ARHGAP35: variants seen among roughly 807,000 people sequenced by gnomAD.
ARHGAP35 encodes the protein Rho GTPase activating protein 35, also known as rho GTPase-activating protein 35.
ARHGAP35 carries 15 observed loss-of-function variants against 111.1 expected under a neutral mutation model. The observed-to-expected ratio is 0.13, with a 90% CI of 0.09 to 0.21. ARHGAP35 has a LOEUF of 0.21. Among genes scored for constraint, ARHGAP35 ranks in the 10% least tolerant of loss-of-function variants. The pLI is 1.00. For missense variants in ARHGAP35, 1,262 were observed against 1,873.0 expected (o/e 0.67, Z 6.02); for synonymous variants, 643 against 710.3 (o/e 0.91, Z 1.51).
intron 5 of ARHGAP35, among the ~76,000 whole-genome samples, chr19:46,991,901 C>G (rs908920775): frequency 1.3e-5 from 2 of 152,232 alleles, no homozygotes; most frequent in Non-Finnish European, 2.9e-5. Context: ...GCAATTGTGT[C>G]TCTATATGTT....
At position 46,937,288 on chromosome 19, in the gene ARHGAP35, T is replaced by A; in HGVS notation, c.3706T>A (p.Ser1236Thr). The change falls in exon 3 of 7, where the codon TCC becomes ACC. Residue 1236 changes from serine to threonine, a missense_variant. This residue lies in a region of ARHGAP35 where 579 missense variants were observed against 716.9 expected (regional missense o/e 0.81). Transcript: ENST00000672722. ...TKKPKPKPRP[S>T]ITKATWESNY... ...GAAACCAAAGCCCAAACCCCGGCCA[T>A]CCATCACAAAGGCAACCTGGGAGAG... 3.7e-6 allele frequency: 6 copies of A among 1,613,880 alleles called. No individual in the cohort carries two copies. The highest frequency in any genetic ancestry group is 4.2e-6 in the Non-Finnish European group (5 of 1,179,798).
chr19:46,874,363 T>C (rs1480136469), intron 1 of ARHGAP35, among the ~76,000 whole-genome samples: 3 of 152,184 alleles, frequency 2.0e-5, no homozygotes, highest in Admixed American at 6.5e-5. Context: ...TGATTGTTTT[T>C]ACTTGATCTT....
intron 3 of ARHGAP35, among the ~76,000 whole-genome samples, chr19:46,949,401 G>GTT (rs1482211842): frequency 6.6e-6 from 1 of 152,164 alleles, no homozygotes; most frequent in Non-Finnish European, 1.5e-5. Flanking sequence ...TACCAAAGTA[G>GTT]TTACACTCAG....
intron 1 of ARHGAP35, among the ~76,000 whole-genome samples, chr19:46,869,136 A>G (rs1206468929): frequency 6.6e-6 from 1 of 151,858 alleles, no homozygotes; most frequent in East Asian, 1.9e-4. Flanking sequence ...TGAACTCCTG[A>G]CCTCATGTGA....
Position 46,993,111 on chromosome 19 carries a change from AC to A in ARHGAP35, c.4036+3437del, listed in dbSNP as rs1441830485. Among the ~76,000 whole-genome samples, 1 of 152,204 alleles carries A rather than the reference AC, an allele frequency of 6.6e-6. No individual in the cohort carries two copies. The highest frequency in any genetic ancestry group is 2.4e-5 in the African/African-American group (1 of 41,454). On this transcript the variant is annotated intron_variant, in intron 5 of 6. Coordinates refer to ENST00000672722, the MANE Select transcript of ARHGAP35 (RefSeq NM_004491.5). The surrounding 1 kb of genome is among the most constrained non-coding windows in gnomAD (Gnocchi z 4.6). Reference sequence around the variant, plus strand: ...GTGGTCCCAGGCTCAGTCTGGTGGGACAGGACATTCAACAGGTGATTGCAAA... The same window carrying A: ...GTGGTCCCAGGCTCAGTCTGGTGGGAAGGACATTCAACAGGTGATTGCAAA...
chr19:46,895,966 G>A (rs1240445242), intron 1 of ARHGAP35, among the ~76,000 whole-genome samples: 2 of 152,150 alleles, frequency 1.3e-5, no homozygotes, highest in Non-Finnish European at 2.9e-5. Context: ...GCTGGGCTTA[G>A]TGGCACATGC....
At position 46,989,441 on chromosome 19, in the gene ARHGAP35, CTG is replaced by C; in HGVS notation, c.3905-102_3905-101del. The C allele has an allele frequency of 6.8e-7, 1 of 1,477,984 alleles. No homozygotes were observed. Among genetic ancestry groups the C allele is most frequent in the East Asian group, 2.4e-5 (1 of 42,362 alleles). The allele number at this position is 1,477,984 out of a possible 1,614,324, so 91.6% of individuals were successfully genotyped here. A position where few individuals can be genotyped will look rare whatever the true frequency, so the allele number is the denominator to read the frequency against. On this transcript the variant is annotated intron_variant, in intron 4 of 6. Coordinates refer to ENST00000672722, the MANE Select transcript of ARHGAP35 (RefSeq NM_004491.5). This position sits in a 1 kb window ranked among gnomAD's most constrained non-coding sequence, Gnocchi z 5.3. Reference sequence around the variant, plus strand: ...ATCCTTGCCAGTCCTGAGGCCGTCTCTGGCTCCTTGAGGTTTCTCTAGCCTCT... The same window carrying C: ...ATCCTTGCCAGTCCTGAGGCCGTCTCGCTCCTTGAGGTTTCTCTAGCCTCT...
chr19:46,998,937 C>T (rs996621269), intron 5 of ARHGAP35: 5 of 211,780 alleles, frequency 2.4e-5, no homozygotes, highest in Non-Finnish European at 4.7e-5. Flanking sequence ...TCCATCTGGT[C>T]AGGAAGCAAG....
intron 1 of ARHGAP35, among the ~76,000 whole-genome samples, chr19:46,872,692 A>T (rs1349967706): frequency 1.3e-5 from 2 of 152,022 alleles, no homozygotes; most frequent in Admixed American, 6.6e-5. Context: ...CGTCCTGGCT[A>T]ACACGGTGAA....
At chr19:46,995,521 C>T (rs1386902733) in intron 5 of ARHGAP35, among the ~76,000 whole-genome samples, 4 of 152,210 alleles carry the variant, frequency 2.6e-5, no homozygotes, top group African/African-American at 9.7e-5. Context: ...GAGGCGGGGA[C>T]CCAGAGCAGA....
intron 1 of ARHGAP35, among the ~76,000 whole-genome samples, chr19:46,867,379 C>T (rs1401279348): frequency 6.6e-6 from 1 of 152,216 alleles, no homozygotes; most frequent in East Asian, 1.9e-4. Context: ...GTCCTGGCCA[C>T]TGTAGTAAAC....
At chr19:46,965,875 A>G (rs895498138) in intron 3 of ARHGAP35, among the ~76,000 whole-genome samples, 6 of 152,210 alleles carry the variant, frequency 3.9e-5, no homozygotes, top group African/African-American at 1.2e-4. Flanking sequence ...AGTTTTTACA[A>G]TCCTAAAAGA....
chr19:46,942,815 CAGAAAAAAAAAAAA>C (rs2056356649), intron 3 of ARHGAP35, among the ~76,000 whole-genome samples: 1 of 42,290 alleles, frequency 2.4e-5, no homozygotes, highest in Non-Finnish European at 4.5e-5. Context: ...GACCCTGTCT[CAGAAAAAAAAAAAA>C]AAAAAAAAGG....
At chr19:46,932,558 G>T (rs2122218178) in intron 2 of ARHGAP35, among the ~76,000 whole-genome samples, 1 of 152,274 alleles carries the variant, frequency 6.6e-6, no homozygotes, top group East Asian at 1.9e-4. Context: ...AATATGCCCA[G>T]TAACCCTTCA....
At position 46,899,108 on chromosome 19, in the gene ARHGAP35, G is replaced by A. The variant is rs142274198; in HGVS notation, c.-188-19380G>A. 4.3e-3 allele frequency among the ~76,000 whole-genome samples: 654 copies of A among 152,266 alleles called. 2 individuals are homozygous for A. Among genetic ancestry groups the A allele is most frequent in the Non-Finnish European group, 6.9e-3 (467 of 68,012 alleles). The stretch of plus-strand genomic sequence containing the variant: ...TACGGAGGAGAATGTAGAAGGGCGC[G>A]TTTGACCAAATGAATGCTGTAATTG... On this transcript the variant is annotated intron_variant, in intron 1 of 6. Coordinates refer to ENST00000672722, the MANE Select transcript of ARHGAP35 (RefSeq NM_004491.5).
rs2056208485 is a variant in ARHGAP35 at position 46,922,370 on chromosome 19, C to G, written c.3681+14C>G. On this transcript the variant is annotated intron_variant, in intron 2 of 6. Coordinates refer to ENST00000672722, the MANE Select transcript of ARHGAP35 (RefSeq NM_004491.5). The surrounding 1 kb of genome is among the most constrained non-coding windows in gnomAD (Gnocchi z 4.0). The stretch of plus-strand genomic sequence containing the variant: ...AGGAACACTAAGGTAAGACACCAGT[C>G]TAGGATTAGTCATAGTGTTTTGTAC... 1 of 1,559,272 alleles carries G rather than the reference C, an allele frequency of 6.4e-7. No homozygotes were observed. The highest frequency in any genetic ancestry group is 1.2e-5 in the South Asian group (1 of 81,444).
chr19:46,870,435 C>T (rs555971671), intron 1 of ARHGAP35, among the ~76,000 whole-genome samples: 4 of 151,134 alleles, frequency 2.6e-5, no homozygotes, highest in Admixed American at 6.6e-5. Flanking sequence ...AAAAATTAGC[C>T]GGGTGTGGTG....
intron 3 of ARHGAP35, among the ~76,000 whole-genome samples, chr19:46,972,338 A>G (rs1402637182): frequency 6.6e-6 from 1 of 152,238 alleles, no homozygotes; most frequent in South Asian, 2.1e-4. Flanking sequence ...AGTAATATGC[A>G]TATATTTTCA....
intron 1 of ARHGAP35, among the ~76,000 whole-genome samples, chr19:46,893,529 TG>T (rs1379694600): frequency 6.6e-6 from 1 of 151,922 alleles, no homozygotes; most frequent in Admixed American, 6.6e-5. Context: ...AACTTCTGCT[TG>T]GGATTGTTTT....
Sources: gnomAD v4.1 joint callset for allele counts (sites outside exome capture counted in the v4.1 genomes callset) on GRCh38, gnomAD v4.1.1 for gene constraint, gnomAD v4.1.1 regional missense constraint, Gnocchi (gnomAD v3.1) non-coding constraint, MANE v1.5 for transcripts, NCBI Gene and HGNC (gene_info 2026-07-23, HGNC 2026-07-21) for gene names.